Variants in STON2 observed in about 807,000 individuals in gnomAD.
STON2 encodes the protein stonin-2.
STON2 carries 29 observed loss-of-function variants against 65.7 expected under a neutral mutation model. That is an observed-to-expected ratio of 0.44 (90% CI 0.33 to 0.60). The LOEUF (loss-of-function observed/expected upper bound fraction) is 0.60, where lower values mean the gene tolerates loss of function less well. Among genes scored for constraint, STON2 ranks in the 20% least tolerant of loss-of-function variants. The pLI is 0.03. For synonymous variants in STON2, 404 were observed against 414.2 expected (o/e 0.98, Z 0.30); for missense variants, 1,054 against 1,118.1 (o/e 0.94, Z 0.82).
intron 2 of STON2, among the ~76,000 whole-genome samples, chr14:81,396,716 T>C (rs112030347): frequency 0.014 from 2,085 of 151,794 alleles, 14 homozygotes; most frequent in Middle Eastern, 0.027. Context: ...CTGTATCACT[T>C]GATTGGCCCC....
intron 2 of STON2, among the ~76,000 whole-genome samples, chr14:81,408,136 A>AACACAC (rs149914558): frequency 2.7e-4 from 40 of 149,088 alleles, no homozygotes; most frequent in African/African-American, 7.4e-4. Context: ...TTCACTGAAG[A>AACACAC]ACACACACAC....
rs962428382 is a variant in STON2 at position 81,288,235 on chromosome 14, G to A, written c.743-9496C>T. On this transcript the variant is annotated intron_variant, in intron 5 of 7. Transcript: ENST00000614646. Reference sequence around the variant, plus strand: ...GTCATTTTCAACTGTAGAGTGTATCGCCATTGTTGGTTAATGACAGGAATG... The same window carrying A: ...GTCATTTTCAACTGTAGAGTGTATCACCATTGTTGGTTAATGACAGGAATG... Among the ~76,000 whole-genome samples the A allele has an allele frequency of 6.6e-5, 10 of 152,052 alleles. No homozygotes were observed. The South Asian group carries it at 8.3e-4, about 13-fold the overall frequency.
chr14:81,282,449 T>C (rs1895160871), intron 5 of STON2, among the ~76,000 whole-genome samples: 1 of 152,166 alleles, frequency 6.6e-6, no homozygotes, highest in South Asian at 2.1e-4. Flanking sequence ...TAGGGAAATA[T>C]TAAATCCTAC....
intron 2 of STON2, among the ~76,000 whole-genome samples, chr14:81,397,495 T>C (rs1435192101): frequency 6.6e-6 from 1 of 152,190 alleles, no homozygotes; most frequent in Non-Finnish European, 1.5e-5. Context: ...CACATCCCAA[T>C]TCAGACTTGT....
intron 4 of STON2, among the ~76,000 whole-genome samples, chr14:81,347,235 AG>A (rs767067068): frequency 7.9e-5 from 12 of 152,120 alleles, no homozygotes; most frequent in Non-Finnish European, 1.3e-4. Context: ...AAACAAAAAA[AG>A]GATACATTAA....
chr14:81,355,957 G>A (rs1898212606), intron 4 of STON2, among the ~76,000 whole-genome samples: 1 of 152,008 alleles, frequency 6.6e-6, no homozygotes, highest in Non-Finnish European at 1.5e-5. Flanking sequence ...CTGCAAACAG[G>A]GACAATTTGA....
intron 4 of STON2, among the ~76,000 whole-genome samples, chr14:81,363,295 C>T (rs1183360933): frequency 6.6e-6 from 1 of 152,044 alleles, no homozygotes; most frequent in East Asian, 1.9e-4. Flanking sequence ...GAAACAATTA[C>T]ACATAGAAAC....
At chr14:81,292,885 A>C (rs1895612211) in intron 5 of STON2, among the ~76,000 whole-genome samples, 1 of 152,226 alleles carries the variant, frequency 6.6e-6, no homozygotes, top group South Asian at 2.1e-4. Flanking sequence ...CAAAGTCAAC[A>C]TAGTGAACAA....
upstream of STON2, among the ~76,000 whole-genome samples, chr14:81,403,536 G>A (rs546991870): frequency 1.3e-5 from 2 of 152,272 alleles, no homozygotes; most frequent in South Asian, 4.1e-4. Flanking sequence ...TTGAATACAT[G>A]CAAGAGTGGC....
chr14:81,421,040 T>C (rs1414782861), intron 2 of STON2, among the ~76,000 whole-genome samples: 2 of 152,124 alleles, frequency 1.3e-5, no homozygotes, highest in African/African-American at 4.8e-5. Context: ...ATGAGGTTCA[T>C]GTTCAAGGAT....
At chr14:81,318,589 G>A (rs1004824362) in intron 5 of STON2, among the ~76,000 whole-genome samples, 10 of 152,140 alleles carry the variant, frequency 6.6e-5, no homozygotes, top group South Asian at 2.1e-4. Flanking sequence ...GGTAGCTCAC[G>A]TTTGTAATTC....
intron 3 of STON2, among the ~76,000 whole-genome samples, chr14:81,374,372 T>C (rs1436008936): frequency 6.6e-6 from 1 of 151,910 alleles, no homozygotes; most frequent in Non-Finnish European, 1.5e-5. Flanking sequence ...AGACAGAATG[T>C]TCCTAAGTTG....
chr14:81,276,176 G>A (rs1037717276), intron 6 of STON2, among the ~76,000 whole-genome samples: 40 of 152,230 alleles, frequency 2.6e-4, no homozygotes, highest in African/African-American at 9.4e-4. Context: ...ACCCACGGGG[G>A]AAGTAATTGC....
chr14:81,306,165 CTCTA>C (rs1180858475), intron 5 of STON2, among the ~76,000 whole-genome samples: 3 of 144,898 alleles, frequency 2.1e-5, no homozygotes, highest in Non-Finnish European at 3.0e-5. Flanking sequence ...CTCTCTCTCT[CTCTA>C]TATATATATA....
At chr14:81,353,481 T>G (rs186806078) in intron 4 of STON2, among the ~76,000 whole-genome samples, 72 of 151,920 alleles carry the variant, frequency 4.7e-4, no homozygotes, top group Non-Finnish European at 9.4e-4. Context: ...ACCCCACAAA[T>G]TGGAAAAAAT....
chr14:81,347,740 T>C (rs1384027326), intron 4 of STON2, among the ~76,000 whole-genome samples: 1 of 143,068 alleles, frequency 7.0e-6, no homozygotes, highest in Admixed American at 6.8e-5. Context: ...CCCCTCCCCC[T>C]TCTCTATAAA....
At chr14:81,283,615 C>A (rs1280728141) in intron 5 of STON2, among the ~76,000 whole-genome samples, 1 of 147,242 alleles carries the variant, frequency 6.8e-6, no homozygotes, top group Non-Finnish European at 1.5e-5. Context: ...ACTGCAAGTT[C>A]CGCCTCCCGG....
At chr14:81,317,077 A>G (rs1271981092) in intron 5 of STON2, among the ~76,000 whole-genome samples, 2 of 152,210 alleles carry the variant, frequency 1.3e-5, no homozygotes, top group African/African-American at 4.8e-5. Context: ...CAGACTGTAC[A>G]AGAAGCATGG....
intron 2 of STON2, among the ~76,000 whole-genome samples, chr14:81,411,134 G>C (rs1901136246): frequency 6.6e-6 from 1 of 152,174 alleles, no homozygotes; most frequent in South Asian, 2.1e-4. Flanking sequence ...GGAAAATTTT[G>C]GGGTATGTTC....
Sources: allele counts gnomAD v4.1 joint callset (sites outside exome capture counted in the v4.1 genomes callset), GRCh38; gene constraint gnomAD v4.1.1; transcripts MANE v1.5; gene names NCBI Gene and HGNC (gene_info 2026-07-23, HGNC 2026-07-21).